TMEM132D: variants seen among roughly 807,000 people sequenced by gnomAD.
TMEM132D encodes transmembrane protein 132D.
A neutral mutation model predicts 62.3 loss-of-function variants in TMEM132D; 21 were observed. The observed-to-expected ratio is 0.34, with a 90% CI of 0.24 to 0.49. The LOEUF (loss-of-function observed/expected upper bound fraction) is 0.49, where lower values mean the gene tolerates loss of function less well. Ranked by LOEUF, TMEM132D falls within the 20% of genes least tolerant of loss-of-function variation. TMEM132D has a pLI of 0.99. For synonymous variants in TMEM132D, 621 were observed against 575.6 expected, an observed-to-expected ratio of 1.08 and a Z score of -1.13; for missense variants, 1,346 against 1,402.8, an observed-to-expected ratio of 0.96 and a Z score of 0.65.
chr12:129,109,822 C>G (rs1445672451), intron 5 of TMEM132D: 1 of 157,988 alleles, frequency 6.3e-6, no homozygotes, highest in African/African-American at 2.4e-5. Flanking sequence ...AGCGTGAAAA[C>G]GGACTAATAC....
intron 5 of TMEM132D, among the ~76,000 whole-genome samples, chr12:129,151,407 G>T (rs780855006): frequency 6.6e-6 from 1 of 152,320 alleles, no homozygotes; most frequent in Non-Finnish European, 1.5e-5. Flanking sequence ...AACTGAAGGG[G>T]ACGTGAGGTG....
At chr12:129,821,435 A>C (rs976445557) in intron 1 of TMEM132D, among the ~76,000 whole-genome samples, 1 of 152,174 alleles carries the variant, frequency 6.6e-6, no homozygotes, top group East Asian at 1.9e-4. Flanking sequence ...CTTCGTCCTC[A>C]GAAAACAGGC....
chr12:129,835,440 G>A (rs370728382), intron 1 of TMEM132D, among the ~76,000 whole-genome samples: 31 of 151,956 alleles, frequency 2.0e-4, no homozygotes, highest in Admixed American at 1.0e-3. Context: ...ACAAACAAGC[G>A]CCACCAGGTC....
At chr12:129,439,961 T>C (rs1321384753) in intron 3 of TMEM132D, among the ~76,000 whole-genome samples, 1 of 152,152 alleles carries the variant, frequency 6.6e-6, no homozygotes, top group Non-Finnish European at 1.5e-5. Context: ...GATCTCTGTT[T>C]TCCGTGTTCC....
At chr12:129,664,766 G>A (rs1880334059) in intron 2 of TMEM132D, among the ~76,000 whole-genome samples, 1 of 152,072 alleles carries the variant, frequency 6.6e-6, no homozygotes. Context: ...AGCTTGTTCA[G>A]AGAAGGTAGA....
chr12:129,897,310 C>T (rs542699127), intron 1 of TMEM132D, among the ~76,000 whole-genome samples: 1 of 152,352 alleles, frequency 6.6e-6, no homozygotes, highest in South Asian at 2.1e-4. Context: ...AAGCATCCTT[C>T]TTCTGCAAAC....
At chr12:129,078,053 G>C (rs1874336525) in intron 8 of TMEM132D, among the ~76,000 whole-genome samples, 1 of 152,224 alleles carries the variant, frequency 6.6e-6, no homozygotes, top group South Asian at 2.1e-4. Flanking sequence ...GCTGAACAAT[G>C]AATGGTCTGG....
chr12:129,467,425 A>G (rs1873945692), intron 3 of TMEM132D, among the ~76,000 whole-genome samples: 1 of 152,124 alleles, frequency 6.6e-6, no homozygotes, highest in Admixed American at 6.5e-5. Context: ...GCTCCAGCCA[A>G]TGTCCTGGGA....
chr12:129,196,063 G>A (rs1194625966), intron 5 of TMEM132D, among the ~76,000 whole-genome samples: 4 of 152,078 alleles, frequency 2.6e-5, no homozygotes, highest in Admixed American at 6.6e-5. Flanking sequence ...GGAAGTGGAG[G>A]CTACAGTGAG....
intron 1 of TMEM132D, among the ~76,000 whole-genome samples, chr12:129,756,670 G>A (rs1225179471): frequency 1.3e-5 from 2 of 152,154 alleles, no homozygotes; most frequent in Non-Finnish European, 1.5e-5. Context: ...ATTAGTTAAG[G>A]TGGTAAATTA....
At chr12:129,558,290 G>A (rs12317125) in intron 2 of TMEM132D, among the ~76,000 whole-genome samples, 5,199 of 152,264 alleles carry the variant, frequency 0.034, 323 homozygotes, top group African/African-American at 0.12. Context: ...GACACACATC[G>A]TTTGGGCCAA....
At chr12:129,493,871 C>T (rs1449463752) in intron 3 of TMEM132D, among the ~76,000 whole-genome samples, 3 of 152,194 alleles carry the variant, frequency 2.0e-5, no homozygotes, top group East Asian at 1.9e-4. Context: ...ATTCTCCACC[C>T]GGGTTTGCAA....
At chr12:129,257,610 G>T (rs937372563) in intron 4 of TMEM132D, among the ~76,000 whole-genome samples, 1 of 152,158 alleles carries the variant, frequency 6.6e-6, no homozygotes, top group African/African-American at 2.4e-5. Flanking sequence ...TAGTCCAAGT[G>T]TGAGTGTGTG....
chr12:129,368,245 ATGTGTG>A (rs34221350), intron 3 of TMEM132D, among the ~76,000 whole-genome samples: 4 of 151,270 alleles, frequency 2.6e-5, no homozygotes, highest in Non-Finnish European at 5.9e-5. Flanking sequence ...CATATGCAAA[ATGTGTG>A]TGTGTGTGTG....
chr12:129,850,356 G>A (rs1873500396), intron 1 of TMEM132D, among the ~76,000 whole-genome samples: 1 of 152,176 alleles, frequency 6.6e-6, no homozygotes, highest in African/African-American at 2.4e-5. Flanking sequence ...GTCTTTGACT[G>A]GGGCCAGGCC....
intron 5 of TMEM132D, among the ~76,000 whole-genome samples, chr12:129,106,840 T>C (rs898417349): frequency 6.6e-6 from 1 of 152,168 alleles, no homozygotes; most frequent in Admixed American, 6.5e-5. Context: ...ATGATGTAGG[T>C]GCCTCAATAT....
intron 1 of TMEM132D, among the ~76,000 whole-genome samples, chr12:129,824,230 G>A (rs966273783): frequency 3.3e-5 from 5 of 152,138 alleles, no homozygotes; most frequent in African/African-American, 9.7e-5. Flanking sequence ...TTCCAGTAAC[G>A]GCTCTCAACT....
chr12:129,695,169 GGA>G (rs1214755799), intron 2 of TMEM132D, among the ~76,000 whole-genome samples: 1 of 152,154 alleles, frequency 6.6e-6, no homozygotes, highest in South Asian at 2.1e-4. Flanking sequence ...CCTTTGAACA[GGA>G]GTTCCAGGAG....
At chr12:129,406,789 G>GC (rs1566059282) in intron 3 of TMEM132D, among the ~76,000 whole-genome samples, 1 of 152,114 alleles carries the variant, frequency 6.6e-6, no homozygotes. Flanking sequence ...GCAGCCCTGC[G>GC]CCTCCACTCA....
Sources: allele counts gnomAD v4.1 joint callset (sites outside exome capture counted in the v4.1 genomes callset), GRCh38; gene constraint gnomAD v4.1.1; transcripts MANE v1.5; gene names NCBI Gene and HGNC (gene_info 2026-07-23, HGNC 2026-07-21).